FUOM: variants seen among roughly 807,000 people sequenced by gnomAD.
FUOM encodes the protein fucose mutarotase.
A neutral mutation model predicts 18.3 loss-of-function variants in FUOM; 19 were observed. That is an observed-to-expected ratio of 1.04 (90% CI 0.73 to 1.53). The LOEUF (loss-of-function observed/expected upper bound fraction) is 1.53, where lower values mean the gene tolerates loss of function less well. Ranked by LOEUF, FUOM falls within the 40% of genes most tolerant of loss-of-function variation. The pLI is 0.00. For missense variants in FUOM, 210 were observed against 200.9 expected (o/e 1.04, Z -0.27); for synonymous variants, 102 against 87.9 (o/e 1.16, Z -0.90).
At chr10:133,355,569 G>T in intron 5 of FUOM, 133 bp from the exon 6 acceptor site, 4 of 1,606,788 alleles carry the variant, frequency 2.5e-6, no homozygotes, top group Non-Finnish European at 3.4e-6. Context: ...TGGGGGCCCT[G>T]CCCCCCCGAA....
At chr10:133,357,692 C>A (rs1198281619) in intron 1 of FUOM, 3 of 520,308 alleles carry the variant, frequency 5.8e-6, no homozygotes, top group East Asian at 7.0e-5. Context: ...GCTCTCGGGC[C>A]GTCTGGGGAG....
chr10:133,356,582 G>T, intron 4 of FUOM, 58 bp downstream of exon 4: 1 of 1,320,156 alleles, frequency 7.6e-7, no homozygotes, highest in Non-Finnish European at 1.0e-6. Flanking sequence ...CTCCTCCTGA[G>T]CCTCCAGGAG....
chr10:133,355,738 C>A lies in FUOM; in HGVS notation c.398G>T (p.Gly133Val), dbSNP rs759054372. 1 of 1,613,228 alleles carries A rather than the reference C, an allele frequency of 6.2e-7. No individual in the cohort carries two copies. The highest frequency in any genetic ancestry group is 8.5e-7 in the Non-Finnish European group (1 of 1,179,898). The change falls in exon 5 of 6, where the codon GGG (glycine) becomes GTG (valine). Residue 133 changes from glycine (G) to valine (V), a missense_variant and splice_region_variant. Physicochemically the swap from Gly to Val is moderately radical, Grantham distance 109 (BLOSUM62 -3). Transcript: ENST00000278025. ...CAGGTCTGAGCCAGCTGGAACTCAC[C>A]CCGTTGCCACAACAGCAAAAGCCTT... ...AKKAFAVVATGETALYGNLIL... is the reference protein window; with the variant it reads ...AKKAFAVVATVETALYGNLIL...
At chr10:133,357,582 T>G (rs1848850780) in intron 1 of FUOM, 3 of 479,074 alleles carry the variant, frequency 6.3e-6, no homozygotes, top group East Asian at 7.8e-5. Context: ...CTGCCCGCGA[T>G]GCCCGGACCA....
chr10:133,354,919 G>A (rs557482174), downstream of FUOM, among the ~76,000 whole-genome samples: 41 of 152,202 alleles, frequency 2.7e-4, no homozygotes, highest in African/African-American at 8.9e-4. Context: ...AACCCCCTTG[G>A]TGTCCACAGC....
Position 133,355,399 on chromosome 10 carries a change from C to T in FUOM, c.436G>A (p.Gly146Arg), listed in dbSNP as rs201940330. Residue 146 changes from glycine (G) to arginine (R), a missense_variant, in exon 6 of 6, where the codon GGG (glycine) becomes AGG (arginine). Coordinates refer to ENST00000278025, the MANE Select transcript of FUOM (RefSeq NM_001098483.3). ...AGCAGGGGGTTGAGGGCAAGCACCC[C>T]CTTCCTGAGGATGAGGTTTCCGTAG... ...ALYGNLILRKGVLALNPLL is the reference protein window; with the variant it reads ...ALYGNLILRKRVLALNPLL 8.7e-4 allele frequency: 1,406 copies of T among 1,609,064 alleles called. 1 individual carries two copies. The highest frequency in any genetic ancestry group is 1.1e-3 in the Non-Finnish European group (1,287 of 1,179,152).
intron 1 of FUOM, 38 bp from the exon 2 acceptor site, chr10:133,357,293 C>A (rs1848839696): frequency 1.9e-6 from 3 of 1,549,898 alleles, no homozygotes; most frequent in Non-Finnish European, 2.6e-6. Context: ...CGGCACCTAT[C>A]CCTGCCCTCG....
At chr10:133,357,399 C>A in intron 1 of FUOM, 144 bp from the exon 2 acceptor site, 2 of 781,924 alleles carry the variant, frequency 2.6e-6, no homozygotes, top group Non-Finnish European at 4.3e-6. Context: ...CACCGCCGAC[C>A]GGCCGCAGTC....
chr10:133,353,083 C>T (rs1848709041), downstream of FUOM, among the ~76,000 whole-genome samples: 1 of 152,200 alleles, frequency 6.6e-6, no homozygotes, highest in Non-Finnish European at 1.5e-5. Context: ...GAAACAGAAC[C>T]CACCCTGGGC....
At chr10:133,356,802 C>G in intron 3 of FUOM, 64 bp from the exon 4 acceptor site, 1 of 1,453,056 alleles carries the variant, frequency 6.9e-7, no homozygotes. Context: ...GGTGACCATT[C>G]GGGACTCCCC....
At position 133,355,740 on chromosome 10, in the gene FUOM, C is replaced by G. The variant is rs769476394; in HGVS notation, c.396G>C (p.Thr132=). The G allele has an allele frequency of 2.0e-5, 32 of 1,613,112 alleles. No individual in the cohort carries two copies. The highest frequency in any genetic ancestry group is 1.6e-4 in the Middle Eastern group (1 of 6,084). ...RAKKAFAVVA[T]GETALYGNLI... ...GGTCTGAGCCAGCTGGAACTCACCC[C>G]GTTGCCACAACAGCAAAAGCCTTCT... Residue 132 remains threonine (T), a splice_region_variant and synonymous_variant, in exon 5 of 6, where the codon ACG becomes ACC. Transcript: ENST00000278025.
chr10:133,352,837 A>T (rs149227130), downstream of FUOM, among the ~76,000 whole-genome samples: 1 of 152,178 alleles, frequency 6.6e-6, no homozygotes, highest in African/African-American at 2.4e-5. Flanking sequence ...CGATCAATCA[A>T]TCAATCAATC....
rs759674606 is a variant in FUOM at position 133,357,920 on chromosome 10, C to T, written c.85+3G>A. 3 of 1,523,280 alleles carry T rather than the reference C, an allele frequency of 2.0e-6. No homozygotes were observed. The highest frequency in any genetic ancestry group is 4.0e-5 in the Admixed American group (2 of 49,872). The allele number at this position is 1,523,280 out of a possible 1,614,324, so 94.4% of individuals were successfully genotyped here. ...CCCCGAGGCCCCGGCCCGCTGCGCT[C>T]ACCGATCTCGTCCCCGTGCCCCATC... On this transcript the variant is annotated splice_donor_region_variant and intron_variant, in intron 1 of 5. Coordinates refer to ENST00000278025, the MANE Select transcript of FUOM (RefSeq NM_001098483.3).
downstream of FUOM, among the ~76,000 whole-genome samples, chr10:133,354,390 C>A (rs1314940873): frequency 6.6e-6 from 1 of 152,186 alleles, no homozygotes; most frequent in Non-Finnish European, 1.5e-5. Context: ...CTTGCCTGCA[C>A]CCCCAAGGTT....
In FUOM at chr10:133,356,684, CTGGGG is replaced by C. The variant is rs1170366583; in HGVS notation, c.275_279del (p.Thr92SerfsTer25). 6.2e-7 allele frequency: 1 copy of C among 1,601,762 alleles called. No homozygotes were observed. Among genetic ancestry groups the C allele is most frequent in the Admixed American group, 1.7e-5 (1 of 58,858 alleles). On this transcript the variant is annotated frameshift_variant, in exon 4 of 6. Transcript: ENST00000278025. LOFTEE classifies it high-confidence loss of function. ...AGGATGGACTCGTACTCCGTCCACA[CTGGGG>C]TCTGCAGGCCCCTCTCCTTGTCGCT...
At chr10:133,353,400 G>T (rs1222623377), downstream of FUOM, among the ~76,000 whole-genome samples, 1 of 152,188 alleles carries the variant, frequency 6.6e-6, no homozygotes, top group East Asian at 1.9e-4. Flanking sequence ...CGGGGTTCCT[G>T]CGTGGCAGTC....
At chr10:133,357,669 C>A in intron 1 of FUOM, 1 of 514,216 alleles carries the variant, frequency 1.9e-6, no homozygotes, top group Non-Finnish European at 3.4e-6. Context: ...TCGGGGGCAG[C>A]CCAGACGCGA....
chr10:133,356,525 G>C, intron 4 of FUOM, 115 bp downstream of exon 4: 15 of 705,006 alleles, frequency 2.1e-5, no homozygotes, highest in Non-Finnish European at 3.3e-5. Context: ...TCAGGGTGAT[G>C]GGTGGGAGAC....
At chr10:133,353,286 C>G (rs1474743764), downstream of FUOM, among the ~76,000 whole-genome samples, 1 of 152,222 alleles carries the variant, frequency 6.6e-6, no homozygotes, top group African/African-American at 2.4e-5. Context: ...ACTCTGGGTG[C>G]CCATCCTGTC....
Sources: gnomAD v4.1 joint callset for allele counts (sites outside exome capture counted in the v4.1 genomes callset) on GRCh38, gnomAD v4.1.1 for gene constraint, MANE v1.5 for transcripts, NCBI Gene and HGNC (gene_info 2026-07-23, HGNC 2026-07-21) for gene names.